Variants in HS2ST1 observed in about 807,000 individuals in gnomAD.
HS2ST1 encodes heparan sulfate 2-O-sulfotransferase 1, also known as 2-O-sulfotransferase.
HS2ST1 carries 18 observed loss-of-function variants against 42.9 expected under a neutral mutation model. That is an observed-to-expected ratio of 0.42 (90% CI 0.29 to 0.62). The LOEUF (loss-of-function observed/expected upper bound fraction) is 0.62. Ranked by LOEUF, HS2ST1 falls within the 20% of genes least tolerant of loss-of-function variation. The probability of loss-of-function intolerance (pLI) is 0.21; values close to 1 mark genes in which losing one functional copy is unlikely to be tolerated. For missense variants in HS2ST1, 334 were observed against 433.8 expected (o/e 0.77, Z 2.04); for synonymous variants, 146 against 152.9 (o/e 0.95, Z 0.33).
At chr1:87,042,177 G>A (rs754854531) in intron 1 of HS2ST1, among the ~76,000 whole-genome samples, 19 of 152,012 alleles carry the variant, frequency 1.2e-4, no homozygotes, top group Non-Finnish European at 2.5e-4. Flanking sequence ...GATATTTGGA[G>A]TTTTTTGCTA....
In HS2ST1 at chr1:87,109,416, G is replaced by A. The variant is rs1013728270; in HGVS notation, c.*4720G>A. On this transcript the variant is annotated 3_prime_UTR_variant, in exon 7 of 7. Transcript: ENST00000370550. ...ATTGCTGGTAATAAAATTTCAGATG[G>A]AAAACTTACAAAATATATACTTAAT... 1.3e-5 allele frequency: 2 copies of A among 151,848 alleles called. No individual in the cohort carries two copies. The highest frequency in any genetic ancestry group is 2.9e-5 in the Non-Finnish European group (2 of 67,922). 9.4% of individuals were successfully genotyped at this position (151,848 alleles called of 1,614,324 possible).
intron 5 of HS2ST1, among the ~76,000 whole-genome samples, chr1:87,100,155 T>C (rs1652164910): frequency 6.6e-6 from 1 of 152,164 alleles, no homozygotes; most frequent in Non-Finnish European, 1.5e-5. Flanking sequence ...AGTTCCCTGT[T>C]TGAGTCTTTG....
intron 1 of HS2ST1, among the ~76,000 whole-genome samples, chr1:86,987,236 C>T (rs1300672366): frequency 1.3e-5 from 2 of 151,740 alleles, no homozygotes; most frequent in African/African-American, 2.4e-5. Context: ...GCCGCCACGC[C>T]GGGCTAATTT....
chr1:86,948,438 C>T (rs1647401239), intron 1 of HS2ST1, among the ~76,000 whole-genome samples: 1 of 152,170 alleles, frequency 6.6e-6, no homozygotes, highest in Non-Finnish European at 1.5e-5. Context: ...CACGCCTGTA[C>T]CACTGCGCCT....
intron 6 of HS2ST1, 142 bp downstream of exon 6, chr1:87,103,731 C>G (rs1249113424): frequency 1.6e-6 from 1 of 641,770 alleles, no homozygotes; most frequent in Non-Finnish European, 2.6e-6. Context: ...GGTTTCTGCT[C>G]ACTATTTTCA....
intron 1 of HS2ST1, among the ~76,000 whole-genome samples, chr1:87,064,759 C>T (rs911348195): frequency 1.3e-5 from 2 of 152,158 alleles, no homozygotes; most frequent in African/African-American, 4.8e-5. Context: ...CTCCTGGGCT[C>T]AGGCAATCTA....
intron 1 of HS2ST1, among the ~76,000 whole-genome samples, chr1:86,985,495 TACACATATATAC>T (rs1197862471): frequency 0.48 from 32,196 of 67,168 alleles, 9,386 homozygotes; most frequent in East Asian, 0.81. Context: ...CACATATATA[TACACATATATAC>T]ACATATATAT....
chr1:86,949,240 A>C lies in HS2ST1; in HGVS notation c.124+34080A>C, dbSNP rs114135081. On this transcript the variant is annotated intron_variant, in intron 1 of 6. Coordinates refer to ENST00000370550, the MANE Select transcript of HS2ST1 (RefSeq NM_012262.4). ...TCTCTCACCTCAGCCTCCCGAATAG[A>C]TGGGATTACAGGCACATACCACCAT... Among the ~76,000 whole-genome samples, 424 of 152,022 alleles carry C rather than the reference A, an allele frequency of 2.8e-3. 1 individual carries two copies. The highest frequency in any genetic ancestry group is 9.9e-3 in the African/African-American group (411 of 41,484).
intron 1 of HS2ST1, among the ~76,000 whole-genome samples, chr1:86,952,783 C>T (rs974034136): frequency 8.4e-4 from 128 of 152,122 alleles, no homozygotes; most frequent in African/African-American, 3.0e-3. Context: ...TATCAGCTAG[C>T]TAGTCTTTGT....
intron 1 of HS2ST1, among the ~76,000 whole-genome samples, chr1:86,988,278 T>A (rs1648848354): frequency 6.6e-6 from 1 of 152,200 alleles, no homozygotes; most frequent in African/African-American, 2.4e-5. Flanking sequence ...GGAAATTGGC[T>A]ATTGCCATGT....
intron 1 of HS2ST1, among the ~76,000 whole-genome samples, chr1:86,950,860 C>G (rs977759151): frequency 6.6e-6 from 1 of 152,024 alleles, no homozygotes; most frequent in African/African-American, 2.4e-5. Flanking sequence ...AAGAAATGAC[C>G]TCTTTATGCT....
Position 87,070,475 on chromosome 1 carries a change from C to T in HS2ST1, c.125-2459C>T, listed in dbSNP as rs1651374504. On this transcript the variant is annotated intron_variant, in intron 1 of 6. Coordinates refer to ENST00000370550, the MANE Select transcript of HS2ST1 (RefSeq NM_012262.4). ...ATGTGATCATGTGCACCTGTAGTCCCAGCTACTTGGGAGGCTGATGTGGGA... is the reference window on the plus strand; with the variant it reads ...ATGTGATCATGTGCACCTGTAGTCCTAGCTACTTGGGAGGCTGATGTGGGA... Among the ~76,000 whole-genome samples, 3 of 152,074 alleles carry T rather than the reference C, an allele frequency of 2.0e-5. No individual in the cohort carries two copies. In the South Asian group the frequency reaches 6.2e-4, roughly 32 times the overall value.
chr1:87,067,939 A>G (rs556019258), intron 1 of HS2ST1, among the ~76,000 whole-genome samples: 3 of 152,184 alleles, frequency 2.0e-5, no homozygotes, highest in African/African-American at 7.2e-5. Flanking sequence ...TTATGTTTTG[A>G]TACCAGTACC....
chr1:86,950,769 TGAA>T (rs112105883), intron 1 of HS2ST1, among the ~76,000 whole-genome samples: 4,368 of 152,306 alleles, frequency 0.029, 221 homozygotes, highest in African/African-American at 0.1. Flanking sequence ...ATAATTTAGA[TGAA>T]GAAGGAAGAA....
At chr1:86,987,332 C>A (rs754744602) in intron 1 of HS2ST1, among the ~76,000 whole-genome samples, 4 of 152,056 alleles carry the variant, frequency 2.6e-5, no homozygotes, top group Non-Finnish European at 4.4e-5. Flanking sequence ...CCTCGGCCCC[C>A]CAAAGTGCTG....
intron 1 of HS2ST1, among the ~76,000 whole-genome samples, chr1:87,034,384 T>C (rs928546038): frequency 1.3e-5 from 2 of 152,218 alleles, no homozygotes; most frequent in Non-Finnish European, 2.9e-5. Context: ...GTAACTATTA[T>C]AAGTGGTTTT....
intron 1 of HS2ST1, among the ~76,000 whole-genome samples, chr1:86,950,398 A>C (rs1268543608): frequency 6.6e-6 from 1 of 152,222 alleles, no homozygotes; most frequent in Non-Finnish European, 1.5e-5. Flanking sequence ...ACAGACAGAC[A>C]GACAGAAAGT....
rs867735861 is a variant in HS2ST1, at chr1:87,101,151, T to G, written c.687-2281T>G. 3.8e-3 allele frequency among the ~76,000 whole-genome samples: 287 copies of G among 76,506 alleles called. 7 individuals carry two copies. The highest frequency in any genetic ancestry group is 0.011 in the Middle Eastern group (2 of 188). 50.2% of individuals were successfully genotyped at this position (76,506 alleles called of 152,430 possible). A position where few individuals can be genotyped will look rare whatever the true frequency, so the allele number is the denominator to read the frequency against. The stretch of plus-strand genomic sequence containing the variant: ...ATCACTTTTGTGTGTGTGTGTGTGT[T>G]TTTTGTTTTTTTTTTTTTTTTTTTT... On this transcript the variant is annotated intron_variant, in intron 5 of 6. Coordinates refer to ENST00000370550, the MANE Select transcript of HS2ST1 (RefSeq NM_012262.4).
Position 87,073,084 on chromosome 1 carries a change from T to C in HS2ST1, c.275T>C (p.Ile92Thr). ...PKTASTSFTN[I>T]AYDLCAKNKY... ...ACGGCAAGCACTTCATTTACCAATA[T>C]CGCCTATGACCTGTGTGCAAAGAAT... Residue 92 changes from isoleucine (I) to threonine (T), a missense_variant, in exon 2 of 7, where the codon ATC becomes ACC. Transcript: ENST00000370550. The C allele has an allele frequency of 6.2e-7, 1 of 1,614,064 alleles. No individual in the cohort carries two copies. Among genetic ancestry groups the C allele is most frequent in the Non-Finnish European group, 8.5e-7 (1 of 1,179,912 alleles).
Sources: allele counts gnomAD v4.1 joint callset (sites outside exome capture counted in the v4.1 genomes callset), GRCh38; gene constraint gnomAD v4.1.1; transcripts MANE v1.5; gene names NCBI Gene and HGNC (gene_info 2026-07-23, HGNC 2026-07-21).